IGSF21: variants seen among roughly 807,000 people sequenced by gnomAD.
IGSF21 encodes the protein immunoglobulin superfamily member 21.
A neutral mutation model predicts 46.8 loss-of-function variants in IGSF21; 28 were observed. That is an observed-to-expected ratio of 0.60 (90% CI 0.44 to 0.82). IGSF21 has a LOEUF of 0.82. Among genes scored for constraint, IGSF21 ranks in the 40% least tolerant of loss-of-function variants. The pLI is 0.00. For missense variants in IGSF21, 624 were observed against 665.5 expected, an observed-to-expected ratio of 0.94 and a Z score of 0.69; for synonymous variants, 284 against 273.6, an observed-to-expected ratio of 1.04 and a Z score of -0.38.
intron 4 of IGSF21, chr1:18,361,258 T>C (rs1274740555): frequency 6.6e-6 from 1 of 152,136 alleles, no homozygotes; most frequent in African/African-American, 2.4e-5. Flanking sequence ...CCCATTGCTC[T>C]CAGGATAAAG....
intron 2 of IGSF21, among the ~76,000 whole-genome samples, chr1:18,264,191 G>T (rs2084970935): frequency 6.6e-6 from 1 of 152,120 alleles, no homozygotes; most frequent in Non-Finnish European, 1.5e-5. Context: ...TGTATGAGGG[G>T]ATGGCCCTAT....
At chr1:18,156,580 T>C (rs1011544251) in intron 1 of IGSF21, among the ~76,000 whole-genome samples, 3 of 152,210 alleles carry the variant, frequency 2.0e-5, no homozygotes, top group African/African-American at 7.2e-5. Context: ...AGGATTCCCA[T>C]TGATCCCCTG....
intron 1 of IGSF21, among the ~76,000 whole-genome samples, chr1:18,140,525 C>T (rs554036039): frequency 9.7e-4 from 147 of 152,316 alleles, no homozygotes; most frequent in African/African-American, 3.4e-3. Context: ...GCACTGGAGG[C>T]GGCCGCATAT....
Position 18,249,093 on chromosome 1 carries a change from A to G in IGSF21, c.183+21083A>G, listed in dbSNP as rs370235098. Among the ~76,000 whole-genome samples, 114 of 152,278 alleles carry G rather than the reference A, an allele frequency of 7.5e-4. 1 individual carries two copies. The highest frequency in any genetic ancestry group is 2.7e-3 in the African/African-American group (111 of 41,562). ...AGGCCAGACAGGGAGGAGGAAAGGA[A>G]TGGATAGCAGCCAGAGAGGTGGGCA... On this transcript the variant is annotated intron_variant, in intron 2 of 9. Transcript: ENST00000251296.
chr1:18,196,427 G>A (rs940412864), intron 1 of IGSF21, among the ~76,000 whole-genome samples: 3 of 152,154 alleles, frequency 2.0e-5, no homozygotes, highest in Admixed American at 6.5e-5. Flanking sequence ...GGGCGCGTCT[G>A]CAGAATCCAA....
In IGSF21 at chr1:18,376,944, C is replaced by A. The variant is rs755025634; in HGVS notation, c.1246C>A (p.Gln416Lys). Residue 416 changes from glutamine (Q) to lysine (K), a missense_variant, in exon 8 of 10, where the codon CAG (glutamine) becomes AAG (lysine). Coordinates refer to ENST00000251296, the MANE Select transcript of IGSF21 (RefSeq NM_032880.5). ...LNGSMYRCTA[Q>K]NPLGSTDTHT... ...TGGCTCCATGTATCGCTGCACCGCC[C>A]AGAACCCACTGGGCTCCACCGACAC... 2 of 1,607,624 alleles carry A rather than the reference C, an allele frequency of 1.2e-6. No individual in the cohort carries two copies. The highest frequency in any genetic ancestry group is 2.2e-5 in the East Asian group (1 of 44,662).
At chr1:18,260,287 C>A (rs1248831703) in intron 2 of IGSF21, among the ~76,000 whole-genome samples, 1 of 152,214 alleles carries the variant, frequency 6.6e-6, no homozygotes, top group Non-Finnish European at 1.5e-5. Context: ...AGCCAAGAAG[C>A]AAGAGGCCCA....
intron 1 of IGSF21, among the ~76,000 whole-genome samples, chr1:18,211,373 G>A (rs1239487881): frequency 2.6e-5 from 4 of 152,236 alleles, no homozygotes; most frequent in Admixed American, 2.6e-4. Flanking sequence ...TGCAAATCCA[G>A]AGAGCAAAGC....
intron 4 of IGSF21, among the ~76,000 whole-genome samples, chr1:18,360,295 C>G (rs564724852): frequency 6.6e-6 from 1 of 152,348 alleles, no homozygotes; most frequent in African/African-American, 2.4e-5. Context: ...TTACAATTCT[C>G]CAACTATTGT....
At chr1:18,108,633 G>C (rs1325652069) in intron 1 of IGSF21, among the ~76,000 whole-genome samples, 4 of 152,086 alleles carry the variant, frequency 2.6e-5, no homozygotes, top group Non-Finnish European at 4.4e-5. Flanking sequence ...ATGTTGGGGG[G>C]AGGGTGTGAA....
chr1:18,213,514 CAG>C (rs973818351), intron 1 of IGSF21, among the ~76,000 whole-genome samples: 2 of 152,138 alleles, frequency 1.3e-5, no homozygotes, highest in Admixed American at 6.5e-5. Context: ...GGTGTGCAGG[CAG>C]CATGGGAGGT....
chr1:18,261,364 C>T (rs2084945299), intron 2 of IGSF21, among the ~76,000 whole-genome samples: 1 of 152,158 alleles, frequency 6.6e-6, no homozygotes, highest in Non-Finnish European at 1.5e-5. Context: ...CTGGACCAAA[C>T]TGAGGACTAG....
intron 3 of IGSF21, among the ~76,000 whole-genome samples, chr1:18,293,813 C>T (rs958848593): frequency 2.0e-5 from 3 of 152,186 alleles, no homozygotes; most frequent in Non-Finnish European, 2.9e-5. Flanking sequence ...ACCAAGCCAC[C>T]CGCTGCCACC....
intron 3 of IGSF21, among the ~76,000 whole-genome samples, chr1:18,309,667 G>A (rs1159144741): frequency 6.6e-5 from 10 of 152,154 alleles, no homozygotes; most frequent in East Asian, 3.9e-4. Flanking sequence ...TCTCTCCACC[G>A]CCTCTAGCCG....
At chr1:18,244,312 A>G (rs557571500) in intron 2 of IGSF21, among the ~76,000 whole-genome samples, 181 of 152,364 alleles carry the variant, frequency 1.2e-3, no homozygotes, top group African/African-American at 3.9e-3. Flanking sequence ...CCAGATGAAA[A>G]GAGCTGACTT....
chr1:18,245,049 G>A (rs2084771754), intron 2 of IGSF21, among the ~76,000 whole-genome samples: 1 of 152,118 alleles, frequency 6.6e-6, no homozygotes. Flanking sequence ...TTATTGAACT[G>A]ATTATAATTT....
chr1:18,119,758 GGT>G (rs1316869776), intron 1 of IGSF21, among the ~76,000 whole-genome samples: 2 of 14,746 alleles, frequency 1.4e-4, no homozygotes, highest in Non-Finnish European at 5.4e-4. Flanking sequence ...TTTTAATAAC[GGT>G]GTTTTTTTTT....
chr1:18,334,849 CCCCACGATGAAGGG>C lies in IGSF21; in HGVS notation c.306-39_306-26del. The C allele has an allele frequency of 2.8e-6, 4 of 1,448,402 alleles. No individual in the cohort carries two copies. Among genetic ancestry groups the C allele is most frequent in the Non-Finnish European group, 3.9e-6 (4 of 1,030,384 alleles). 89.7% of individuals were successfully genotyped at this position (1,448,402 alleles called of 1,614,324 possible). A position where few individuals can be genotyped will look rare whatever the true frequency, so the allele number is the denominator to read the frequency against. ...TTTCCTTGAACGCTGCCTCACCCAGCCCCACGATGAAGGGCCCTCACCCTGTCTTCTGCCTCCCC... is the reference window on the plus strand; with the variant it reads ...TTTCCTTGAACGCTGCCTCACCCAGCCCCTCACCCTGTCTTCTGCCTCCCC... On this transcript the variant is annotated intron_variant, in intron 3 of 9. Coordinates refer to ENST00000251296, the MANE Select transcript of IGSF21 (RefSeq NM_032880.5). This position sits in a 1 kb window ranked among gnomAD's most constrained non-coding sequence, Gnocchi z 4.3.
Position 18,108,110 on chromosome 1 carries a change from C to A in IGSF21, c.-19C>A. ...CTCCACCCCCGCCGCCCCGCCACCG[C>A]CGCCAGCTCCCGGGCACCATGCGAA... On this transcript the variant is annotated 5_prime_UTR_variant, in exon 1 of 10. Transcript: ENST00000251296. The A allele has an allele frequency of 7.8e-7, 1 of 1,285,750 alleles. No homozygotes were observed. The highest frequency in any genetic ancestry group is 1.0e-6 in the Non-Finnish European group (1 of 977,604). The allele number at this position is 1,285,750 out of a possible 1,614,324, so 79.6% of individuals were successfully genotyped here. A position where few individuals can be genotyped will look rare whatever the true frequency, so the allele number is the denominator to read the frequency against.
Sources: gnomAD v4.1 joint callset for allele counts (sites outside exome capture counted in the v4.1 genomes callset) on GRCh38, gnomAD v4.1.1 for gene constraint, Gnocchi (gnomAD v3.1) non-coding constraint, MANE v1.5 for transcripts, NCBI Gene and HGNC (gene_info 2026-07-23, HGNC 2026-07-21) for gene names.